Variants in S100A13 observed in about 807,000 individuals in gnomAD.
S100A13 encodes the protein protein S100-A13.
S100A13 carries 6 observed loss-of-function variants against 8.2 expected under a neutral mutation model. The ratio of observed to expected loss-of-function variants is 0.73; its 90% CI spans 0.40 to 1.44. S100A13 has a LOEUF of 1.44. Among genes scored for constraint, S100A13 ranks in the 40% most tolerant of loss-of-function variants. S100A13 has a pLI of 0.02. For missense variants in S100A13, 114 were observed against 113.6 expected, an observed-to-expected ratio of 1.00 and a Z score of -0.02; for synonymous variants, 39 against 45.9, an observed-to-expected ratio of 0.85 and a Z score of 0.61.
upstream of S100A13, among the ~76,000 whole-genome samples, chr1:153,633,372 G>C (rs1668141883): frequency 6.6e-6 from 1 of 152,044 alleles, no homozygotes. Context: ...ACAAATCAGA[G>C]AGAGAAAAGA....
At chr1:153,619,585 A>C (rs1177651116) in intron 2 of S100A13, among the ~76,000 whole-genome samples, 1 of 152,212 alleles carries the variant, frequency 6.6e-6, no homozygotes, top group East Asian at 1.9e-4. Context: ...GGCATGGAGT[A>C]TCTGGGTTTT....
intron 2 of S100A13, among the ~76,000 whole-genome samples, chr1:153,622,741 T>A (rs1313371025): frequency 6.6e-6 from 1 of 152,182 alleles, no homozygotes; most frequent in Non-Finnish European, 1.5e-5. Flanking sequence ...GCTGTGATGG[T>A]CTGTGAATCT....
chr1:153,619,645 A>G (rs1667109425), intron 2 of S100A13, among the ~76,000 whole-genome samples: 1 of 152,206 alleles, frequency 6.6e-6, no homozygotes, highest in Non-Finnish European at 1.5e-5. Flanking sequence ...ATCAATGGCA[A>G]CAGTAAACTG....
At chr1:153,631,856 T>C (rs1429043359), upstream of S100A13, 1 of 1,612,036 alleles carries the variant, frequency 6.2e-7, no homozygotes, top group African/African-American at 1.3e-5. Context: ...ACAGCCACAT[T>C]GGGCAGCGCC....
chr1:153,619,014 T>G lies in S100A13; in HGVS notation c.178A>C (p.Met60Leu), dbSNP rs1160498520. 6.2e-7 allele frequency: 1 copy of G among 1,613,912 alleles called. No homozygotes were observed. The highest frequency in any genetic ancestry group is 2.2e-5 in the East Asian group (1 of 44,894). ...LKDVGSLDEK[M>L]KSLDVNQDSE... ...TCCTGATTCACATCCAAGCTCTTCA[T>G]CTTCTCATCAAGAGAGCCCACATCC... is the stretch of plus-strand genomic sequence containing the variant. The change falls in exon 3 of 3, where the codon ATG becomes CTG. Residue 60 changes from methionine (M) to leucine (L), a missense_variant. By Grantham distance (15) the Met-to-Leu change is conservative (BLOSUM62 2). Transcript: ENST00000476133.
upstream of S100A13, chr1:153,629,532 C>CCG (rs943857798): frequency 6.6e-6 from 1 of 152,358 alleles, no homozygotes; most frequent in African/African-American, 2.4e-5. Context: ...AGAGGCCCCC[C>CCG]GGCTTGGCAG....
chr1:153,627,211 T>A (rs1667710480), intron 1 of S100A13: 1 of 152,246 alleles, frequency 6.6e-6, no homozygotes. Context: ...TGTCTCCCGG[T>A]GACAAGGGTC....
upstream of S100A13, chr1:153,629,962 C>T (rs985242): frequency 4.8e-3 from 740 of 155,686 alleles, 2 homozygotes; most frequent in Admixed American, 7.0e-3. Flanking sequence ...AGAAGGCGTA[C>T]GCCACCCACT....
chr1:153,624,562 A>C (rs1230955562), intron 2 of S100A13, among the ~76,000 whole-genome samples: 1 of 151,958 alleles, frequency 6.6e-6, no homozygotes, highest in Non-Finnish European at 1.5e-5. Context: ...AAAAAAAAAA[A>C]ACCACAATCA....
At chr1:153,631,552 CCT>C (rs746372901), upstream of S100A13, 1 of 1,613,910 alleles carries the variant, frequency 6.2e-7, no homozygotes, top group East Asian at 2.2e-5. Flanking sequence ...GCCCTCAAGA[CCT>C]TTGAGGAGGC....
intron 2 of S100A13, among the ~76,000 whole-genome samples, chr1:153,623,668 T>C (rs1350514630): frequency 6.6e-6 from 1 of 152,158 alleles, no homozygotes; most frequent in East Asian, 1.9e-4. Context: ...CGTGGAAAGA[T>C]GTACTGAGCT....
intron 2 of S100A13, 75 bp downstream of exon 2, chr1:153,626,245 C>T: frequency 4.4e-6 from 6 of 1,370,122 alleles, no homozygotes; most frequent in Middle Eastern, 1.8e-4. Context: ...TCACCGTACT[C>T]GGCACCATCA....
chr1:153,633,216 C>T (rs1668129909), upstream of S100A13: 1 of 151,884 alleles, frequency 6.6e-6, no homozygotes, highest in South Asian at 2.1e-4. Context: ...GGAAACATAG[C>T]TTATGCCCAT....
At chr1:153,632,443 T>C (rs1362276405), upstream of S100A13, among the ~76,000 whole-genome samples, 4 of 151,792 alleles carry the variant, frequency 2.6e-5, no homozygotes, top group Non-Finnish European at 5.9e-5. Context: ...GGCTAATTTT[T>C]TGTATTTTTA....
chr1:153,622,109 C>G (rs1196545015), intron 2 of S100A13, among the ~76,000 whole-genome samples: 2 of 150,006 alleles, frequency 1.3e-5, no homozygotes, highest in Admixed American at 6.6e-5. Context: ...GTGGCTCACC[C>G]CTGTAATCCC....
intron 1 of S100A13, 189 bp from the exon 2 acceptor site, chr1:153,626,722 G>C (rs1311955978): frequency 2.3e-6 from 1 of 437,476 alleles, no homozygotes. Context: ...TTTTGGTGGG[G>C]GCAGGAGATT....
upstream of S100A13, chr1:153,628,071 C>T (rs1306142525): frequency 5.8e-6 from 9 of 1,550,340 alleles, no homozygotes; most frequent in Non-Finnish European, 7.8e-6. Flanking sequence ...CAGTGAGGCC[C>T]CATGGAGGAG....
At chr1:153,625,599 T>C (rs1253991920) in intron 2 of S100A13, among the ~76,000 whole-genome samples, 1 of 152,232 alleles carries the variant, frequency 6.6e-6, no homozygotes, top group African/African-American at 2.4e-5. Flanking sequence ...CCCTTTCCAC[T>C]GCTAGGCCTC....
intron 2 of S100A13, among the ~76,000 whole-genome samples, chr1:153,625,104 G>A (rs188959009): frequency 4.4e-4 from 67 of 152,234 alleles, no homozygotes; most frequent in African/African-American, 1.3e-3. Context: ...CAGGCAGTGT[G>A]GCATGCGCCT....
Sources: gnomAD v4.1 joint callset for allele counts (sites outside exome capture counted in the v4.1 genomes callset) on GRCh38, gnomAD v4.1.1 for gene constraint, MANE v1.5 for transcripts, NCBI Gene and HGNC (gene_info 2026-07-23, HGNC 2026-07-21) for gene names.